PDE1C: variants seen among roughly 807,000 people sequenced by gnomAD.
PDE1C encodes the protein phosphodiesterase 1C.
Under a neutral mutation model 93.1 loss-of-function variants are expected in PDE1C, and 62 were observed. The ratio of observed to expected loss-of-function variants is 0.67; its 90% confidence interval spans 0.54 to 0.82. The LOEUF (loss-of-function observed/expected upper bound fraction) is 0.82. PDE1C is among the 40% of genes least tolerant of loss of function. The probability of loss-of-function intolerance (pLI) is 0.00; values close to 1 mark genes in which losing one functional copy is unlikely to be tolerated. For missense variants in PDE1C, 742 were observed against 884.6 expected (o/e 0.84, Z 2.04); for synonymous variants, 325 against 310.1 (o/e 1.05, Z -0.50).
At chr7:32,385,879 C>T (rs1034190620) in intron 1 of PDE1C, among the ~76,000 whole-genome samples, 7 of 152,132 alleles carry the variant, frequency 4.6e-5, no homozygotes, top group Non-Finnish European at 8.8e-5. Flanking sequence ...ACAAGGTTAG[C>T]AGAACCAGGC....
At chr7:31,766,944 A>G (rs1322137098) in intron 17 of PDE1C, among the ~76,000 whole-genome samples, 1 of 152,236 alleles carries the variant, frequency 6.6e-6, no homozygotes, top group Non-Finnish European at 1.5e-5. Flanking sequence ...AACCTAATGT[A>G]TGGCAAAAGT....
At chr7:31,886,381 T>C (rs1186754240) in intron 2 of PDE1C, among the ~76,000 whole-genome samples, 1 of 152,244 alleles carries the variant, frequency 6.6e-6, no homozygotes, top group East Asian at 1.9e-4. Context: ...CAAGCATTTT[T>C]CTGGCCATTG....
At chr7:31,652,940 A>T in the PDE1C span, 1 of 1,500,048 alleles carries the variant, frequency 6.7e-7, no homozygotes, top group Admixed American at 2.3e-5. Flanking sequence ...ATTGTCAGCT[A>T]TATCTCTCAT....
At chr7:31,994,911 C>T (rs1180128098) in intron 2 of PDE1C, among the ~76,000 whole-genome samples, 1 of 152,146 alleles carries the variant, frequency 6.6e-6, no homozygotes, top group East Asian at 1.9e-4. Context: ...GTCCATACTG[C>T]AGCAAAATTC....
chr7:31,772,123 TC>T (rs1054789567), intron 17 of PDE1C, among the ~76,000 whole-genome samples: 22 of 152,230 alleles, frequency 1.4e-4, no homozygotes, highest in Non-Finnish European at 3.1e-4. Flanking sequence ...TGTAGTTACT[TC>T]CACCTCCTCC....
chr7:32,040,840 C>T (rs1195952234), intron 2 of PDE1C, among the ~76,000 whole-genome samples: 4 of 152,090 alleles, frequency 2.6e-5, no homozygotes, highest in Non-Finnish European at 4.4e-5. Flanking sequence ...TCTCCTGCCC[C>T]ACCTACCCCA....
chr7:32,172,823 T>TTAA (rs1802736997), intron 2 of PDE1C, among the ~76,000 whole-genome samples: 1 of 104,456 alleles, frequency 9.6e-6, no homozygotes, highest in African/African-American at 3.6e-5. Flanking sequence ...ACTCCATCTT[T>TTAA]AAAAAAAAAA....
rs1379035439 is a variant in PDE1C, at chr7:32,374,444, T to G, written c.310+53378A>C. 2.0e-5 allele frequency among the ~76,000 whole-genome samples: 3 copies of G among 152,230 alleles called. No homozygotes were observed. In the East Asian group the frequency reaches 5.8e-4, roughly 29 times the overall value. ...GAAAAGGCAATTGTTTGCTGGAACATTCACACTTGGTGGCATGAGCCACCA... is the reference window on the plus strand; with the variant it reads ...GAAAAGGCAATTGTTTGCTGGAACAGTCACACTTGGTGGCATGAGCCACCA... On this transcript the variant is annotated intron_variant, in intron 1 of 1. Transcript: ENST00000672256.
chr7:31,734,033 T>TA, the PDE1C span, among the ~76,000 whole-genome samples: 3 of 152,010 alleles, frequency 2.0e-5, no homozygotes, highest in South Asian at 6.2e-4. Context: ...TTTTCATGCA[T>TA]AAAAACGTTT....
Position 31,968,269 on chromosome 7 carries a change from T to A in PDE1C, c.128+83285A>T, listed in dbSNP as rs573212575. The stretch of plus-strand genomic sequence containing the variant: ...AAGCAACTTCAGCTAAGTCTCAGGA[T>A]ACAAAATCAATGTGCAAAAATCACA... On this transcript the variant is annotated intron_variant, in intron 2 of 17. Transcript: ENST00000396191. Among the ~76,000 whole-genome samples the A allele has an allele frequency of 6.8e-3, 1,040 of 152,274 alleles. 3 individuals carry two copies. The highest frequency in any genetic ancestry group is 0.011 in the Non-Finnish European group (764 of 68,016).
At chr7:32,110,411 A>G (rs1321030119) in intron 3 of PDE1C, among the ~76,000 whole-genome samples, 2 of 152,148 alleles carry the variant, frequency 1.3e-5, no homozygotes, top group Admixed American at 6.5e-5. Flanking sequence ...CTATAATTCA[A>G]TCATCTCCCA....
intron 2 of PDE1C, among the ~76,000 whole-genome samples, chr7:31,911,283 T>C (rs998985787): frequency 1.3e-5 from 2 of 152,176 alleles, no homozygotes; most frequent in Admixed American, 6.6e-5. Context: ...TTAATATTAA[T>C]ATTAATATGC....
chr7:31,794,077 C>CAGATAGATAGATAGATAGAT (rs1196325805), intron 16 of PDE1C, among the ~76,000 whole-genome samples: 87 of 135,160 alleles, frequency 6.4e-4, no homozygotes, highest in Non-Finnish European at 8.5e-4. Flanking sequence ...GACAGACAGA[C>CAGATAGATAGATAGATAGAT]AGACAGACAG....
At chr7:32,387,713 C>G (rs1234676806) in intron 1 of PDE1C, among the ~76,000 whole-genome samples, 1 of 141,626 alleles carries the variant, frequency 7.1e-6, no homozygotes, top group Non-Finnish European at 1.5e-5. Flanking sequence ...GACGGGGCGG[C>G]TGGCCGGGCA....
Position 32,413,735 on chromosome 7 carries a change from T to C in PDE1C, c.310+14087A>G, listed in dbSNP as rs555038553. Among the ~76,000 whole-genome samples, 7 of 152,294 alleles carry C rather than the reference T, an allele frequency of 4.6e-5. 1 individual carries two copies. The South Asian group carries it at 1.4e-3, about 32-fold the overall frequency. On this transcript the variant is annotated intron_variant, in intron 1 of 1. Coordinates refer to the PDE1C transcript ENST00000672256. The stretch of plus-strand genomic sequence containing the variant: ...AAAATGATTAAAATAGTAAAGATTG[T>C]TACTTCTGTAAATTATAAATAATTT...
chr7:31,664,838 C>T, the PDE1C span, among the ~76,000 whole-genome samples: 3 of 152,206 alleles, frequency 2.0e-5, no homozygotes, highest in Non-Finnish European at 4.4e-5. Context: ...GACATCCATG[C>T]TCATAATGTA....
chr7:32,273,140 T>C (rs1292363654), intron 1 of PDE1C, among the ~76,000 whole-genome samples: 1 of 152,176 alleles, frequency 6.6e-6, no homozygotes, highest in Non-Finnish European at 1.5e-5. Flanking sequence ...AGGTGACTTC[T>C]AGCACAGCAC....
At chr7:31,777,823 G>A (rs1362710702) in intron 16 of PDE1C, among the ~76,000 whole-genome samples, 1 of 152,126 alleles carries the variant, frequency 6.6e-6, no homozygotes, top group Non-Finnish European at 1.5e-5. Context: ...GAAGTGAAGG[G>A]AACTGTATCT....
chr7:31,773,167 T>C lies in PDE1C; in HGVS notation c.1960+2497A>G, dbSNP rs902513957. Among the ~76,000 whole-genome samples, 54 of 152,340 alleles carry C rather than the reference T, an allele frequency of 3.5e-4. 1 individual carries two copies. The highest frequency in any genetic ancestry group is 1.3e-3 in the African/African-American group (54 of 41,584). On this transcript the variant is annotated intron_variant, in intron 17 of 17. Coordinates refer to ENST00000396191, the MANE Select transcript of PDE1C (RefSeq NM_001191057.4). Reference sequence around the variant, plus strand: ...CACAGATTAATTATGTCTGGTGTTTTGAGAACTACCCACTTCCACCTCTGA... The same window carrying C: ...CACAGATTAATTATGTCTGGTGTTTCGAGAACTACCCACTTCCACCTCTGA...
Sources: allele counts gnomAD v4.1 joint callset (sites outside exome capture counted in the v4.1 genomes callset), GRCh38; gene constraint gnomAD v4.1.1; transcripts MANE v1.5; gene names NCBI Gene and HGNC (gene_info 2026-07-23, HGNC 2026-07-21).